The following NIT1 variants were observed in gnomAD, a reference collection of about 807,000 sequenced individuals.
The protein encoded by NIT1 is deaminated glutathione amidase.
In NIT1, 30 loss-of-function variants were observed where a neutral mutation model predicts 36.8. That is an observed-to-expected ratio of 0.82 (90% CI 0.61 to 1.11). The LOEUF (loss-of-function observed/expected upper bound fraction) is 1.11. Among genes scored for constraint, NIT1 ranks in the 50% least tolerant of loss-of-function variants. The probability of loss-of-function intolerance (pLI) is 0.00; values close to 1 mark genes in which losing one functional copy is unlikely to be tolerated. For missense variants in NIT1, 438 were observed against 410.6 expected (o/e 1.07, Z -0.58); for synonymous variants, 151 against 155.6 (o/e 0.97, Z 0.22).
rs1398930292 is a variant in NIT1, at chr1:161,120,782, G to A, written c.*17G>A. The A allele has an allele frequency of 1.9e-6, 3 of 1,605,946 alleles. No individual in the cohort carries two copies. The highest frequency in any genetic ancestry group is 1.1e-5 in the South Asian group (1 of 90,572). On this transcript the variant is annotated 3_prime_UTR_variant, in exon 7 of 7. Transcript: ENST00000368009. ...CTGTCTTAAGACTTGACTTCTGTGA[G>A]TTTAGACCTGCCCCTCCCACCCCCA...
chr1:161,119,150 A>C lies in NIT1; in HGVS notation c.115A>C (p.Ile39Leu), dbSNP rs560947728. Residue 39 changes from isoleucine (I) to leucine (L), a missense_variant, in exon 3 of 7, where the codon ATC becomes CTC. Transcript: ENST00000368009. Reference protein sequence around the residue: ...CAQPRPRAMAISSSSCELPLV... With the variant: ...CAQPRPRAMALSSSSCELPLV... ...TGTTCACAGGCCCAGAGCCATGGCTATCTCCTCTTCCTCCTGCGAACTGCC... is the reference window on the plus strand; with the variant it reads ...TGTTCACAGGCCCAGAGCCATGGCTCTCTCCTCTTCCTCCTGCGAACTGCC... 1.2e-6 allele frequency: 2 copies of C among 1,613,806 alleles called. No homozygotes were observed. The highest frequency in any genetic ancestry group is 1.7e-5 in the Admixed American group (1 of 60,018).
chr1:161,118,323 G>A, intron 1 of NIT1, 145 bp downstream of exon 1: 1 of 1,536,898 alleles, frequency 6.5e-7, no homozygotes, highest in Non-Finnish European at 8.7e-7. Flanking sequence ...GCGGGGCGCG[G>A]CTTGGGGCCT....
At chr1:161,118,965 A>C in intron 2 of NIT1, 84 bp downstream of exon 2, 1 of 1,335,380 alleles carries the variant, frequency 7.5e-7, no homozygotes, top group African/African-American at 1.4e-5. Context: ...AGGAGTGTCA[A>C]CTATCCACAC....
chr1:161,123,368 A>G, downstream of NIT1: 1 of 806,682 alleles, frequency 1.2e-6, no homozygotes, highest in South Asian at 1.7e-5. Context: ...GACCAGGTGC[A>G]GTGGCTCACG....
Position 161,120,576 on chromosome 1 carries a change from G to A in NIT1, c.795G>A (p.Lys265=). The change falls in exon 7 of 7, where the codon AAG becomes AAA. Residue 265 remains lysine, a synonymous_variant. Coordinates refer to ENST00000368009, the MANE Select transcript of NIT1 (RefSeq NM_005600.3). ...CACAGTGTGGACGCCACCATGAGAAGAGAGCAAGTTATGGCCACAGCATGG... is the reference window on the plus strand; with the variant it reads ...CACAGTGTGGACGCCACCATGAGAAAAGAGCAAGTTATGGCCACAGCATGG... ...AAAQCGRHHE[K]RASYGHSMVV... 2.5e-6 allele frequency: 4 copies of A among 1,614,214 alleles called. No homozygotes were observed. Among genetic ancestry groups the A allele is most frequent in the Non-Finnish European group, 3.4e-6 (4 of 1,180,046 alleles).
chr1:161,123,985 C>T (rs769147919), downstream of NIT1: 2 of 1,606,020 alleles, frequency 1.2e-6, no homozygotes, highest in Admixed American at 1.7e-5. Context: ...AAATATACAC[C>T]CTTCCCTTCT....
chr1:161,123,303 C>A, downstream of NIT1: 1 of 1,342,606 alleles, frequency 7.4e-7, no homozygotes. Context: ...AGGAAGGAAT[C>A]ATTTAGACTT....
Position 161,119,214 on chromosome 1 carries a change from A to C in NIT1, c.179A>C (p.Lys60Thr). ...AVCQVTSTPD[K>T]QQNFKTCAEL... Reference sequence around the variant, plus strand: ...TGCCAGGTAACATCGACGCCAGACAAGCAACAGAACTTTAAAACATGTGCT... The same window carrying C: ...TGCCAGGTAACATCGACGCCAGACACGCAACAGAACTTTAAAACATGTGCT... The change falls in exon 3 of 7, where the codon AAG becomes ACG. Residue 60 changes from lysine (K) to threonine (T), a missense_variant. Physicochemically the swap from Lys to Thr is moderately conservative, Grantham distance 78. Transcript: ENST00000368009. The C allele has an allele frequency of 6.2e-7, 1 of 1,614,070 alleles. No homozygotes were observed. The highest frequency in any genetic ancestry group is 8.5e-7 in the Non-Finnish European group (1 of 1,180,054).
chr1:161,119,995 T>C, intron 5 of NIT1, 43 bp downstream of exon 5: 4 of 1,603,904 alleles, frequency 2.5e-6, no homozygotes, highest in East Asian at 4.5e-5. Context: ...AGGAATACTT[T>C]GAACTGGCAG....
downstream of NIT1, chr1:161,122,646 C>G (rs1162799029): frequency 8.1e-7 from 1 of 1,239,950 alleles, no homozygotes; most frequent in Non-Finnish European, 1.1e-6. The surrounding 1 kb of genome is among the most constrained non-coding windows in gnomAD (Gnocchi z 4.2). Context: ...GACAGCTTCT[C>G]TACCTCTTCC....
intron 1 of NIT1, 129 bp downstream of exon 1, chr1:161,118,307 T>C (rs998671662): frequency 2.0e-6 from 3 of 1,474,770 alleles, no homozygotes; most frequent in South Asian, 2.4e-5. Flanking sequence ...GGCGGGAGGG[T>C]GGAGGGCGGG....
At chr1:161,119,736 A>G (rs745808568) in intron 4 of NIT1, 83 bp from the exon 5 acceptor site, 254 of 1,581,750 alleles carry the variant, frequency 1.6e-4, no homozygotes, top group Non-Finnish European at 2.1e-4. Context: ...TTCAGTTCCT[A>G]GCCTATAAAC....
At chr1:161,118,750 G>GA in intron 1 of NIT1, 36 bp from the exon 2 acceptor site, 1 of 1,532,954 alleles carries the variant, frequency 6.5e-7, no homozygotes, top group Non-Finnish European at 9.0e-7. Flanking sequence ...ATTGCTTGAA[G>GA]AAGGGGTTGG....
chr1:161,122,001 C>A (rs1360348779), downstream of NIT1: 39 of 1,115,320 alleles, frequency 3.5e-5, no homozygotes, highest in East Asian at 2.7e-4. This position sits in a 1 kb window ranked among gnomAD's most constrained non-coding sequence, Gnocchi z 4.2. Flanking sequence ...AATACCACTT[C>A]CACTTTCTTT....
chr1:161,123,007 G>C (rs772988092), downstream of NIT1: 50 of 1,614,078 alleles, frequency 3.1e-5, no homozygotes, highest in Admixed American at 8.3e-4. Context: ...AAACTGCCCA[G>C]TGTCCCAGCA....
chr1:161,123,635 CA>C (rs35678373), downstream of NIT1, among the ~76,000 whole-genome samples: 37,317 of 88,828 alleles, frequency 0.42, 4,453 homozygotes, highest in East Asian at 0.49. Flanking sequence ...GACTCTGTCT[CA>C]AAAAAAAAAA....
chr1:161,122,608 C>T (rs914045890), downstream of NIT1: 1 of 1,509,952 alleles, frequency 6.6e-7, no homozygotes, highest in Non-Finnish European at 8.9e-7. This position sits in a 1 kb window ranked among gnomAD's most constrained non-coding sequence, Gnocchi z 4.2. Flanking sequence ...AAAAGCACAA[C>T]AGAATAAAAA....
At chr1:161,119,020 A>T in intron 2 of NIT1, 114 bp from the exon 3 acceptor site, 1 of 1,426,334 alleles carries the variant, frequency 7.0e-7, no homozygotes, top group South Asian at 1.2e-5. Context: ...CGTGCCCTGT[A>T]AGAGCATGAT....
At chr1:161,123,635 C>CA (rs35678373), downstream of NIT1, among the ~76,000 whole-genome samples, 748 of 88,818 alleles carry the variant, frequency 8.4e-3, 4 homozygotes, top group African/African-American at 0.026. Flanking sequence ...GACTCTGTCT[C>CA]AAAAAAAAAA....
Sources: allele counts gnomAD v4.1 joint callset (sites outside exome capture counted in the v4.1 genomes callset), GRCh38; gene constraint gnomAD v4.1.1; non-coding constraint Gnocchi (gnomAD v3.1); transcripts MANE v1.5; gene names NCBI Gene and HGNC (gene_info 2026-07-23, HGNC 2026-07-21).